GLI2: variants seen among roughly 807,000 people sequenced by gnomAD.
GLI2 encodes the protein transcription activator GLI2.
In GLI2, 22 loss-of-function variants were observed where a neutral mutation model predicts 78.9. The ratio of observed to expected loss-of-function variants is 0.28; its 90% CI spans 0.20 to 0.40. The LOEUF (loss-of-function observed/expected upper bound fraction) is 0.40. GLI2 is among the 10% of genes least tolerant of loss of function. The pLI is 1.00. For synonymous variants in GLI2, 974 were observed against 963.7 expected (o/e 1.01, Z -0.20); for missense variants, 2,097 against 2,213.2 (o/e 0.95, Z 1.05).
intron 1 of GLI2, among the ~76,000 whole-genome samples, chr2:120,772,686 A>G (rs4848627): frequency 0.34 from 51,394 of 152,204 alleles, 10,470 homozygotes; most frequent in African/African-American, 0.58. Context: ...TTTTAAGAGT[A>G]TATTCCTAAT....
At chr2:120,905,814 G>T (rs538482611) in intron 2 of GLI2, among the ~76,000 whole-genome samples, 1 of 152,254 alleles carries the variant, frequency 6.6e-6, no homozygotes, top group East Asian at 1.9e-4. Flanking sequence ...TGTGAAGCAG[G>T]TGTTGGCTGT....
chr2:120,894,611 G>C (rs532113655), intron 2 of GLI2, among the ~76,000 whole-genome samples: 85 of 150,980 alleles, frequency 5.6e-4, no homozygotes, highest in Admixed American at 4.0e-3. Flanking sequence ...TTAACCCTTG[G>C]GGGGGGGTAC....
rs889888476 is a variant in GLI2, at chr2:120,952,360, A to G, written c.457+915A>G. 3.9e-5 allele frequency among the ~76,000 whole-genome samples: 6 copies of G among 152,362 alleles called. No homozygotes were observed. In the East Asian group the frequency reaches 9.6e-4, roughly 24 times the overall value. ...GCCCCATGGGCAGAGGCTCTAGGAAATGGGGTCCCAGCGAGTCTCTTATCA... is the reference window on the plus strand; with the variant it reads ...GCCCCATGGGCAGAGGCTCTAGGAAGTGGGGTCCCAGCGAGTCTCTTATCA... On this transcript the variant is annotated intron_variant, in intron 4 of 13. Transcript: ENST00000361492.
At chr2:120,949,009 G>A (rs1051554240) in intron 3 of GLI2, among the ~76,000 whole-genome samples, 3 of 152,114 alleles carry the variant, frequency 2.0e-5, no homozygotes, top group African/African-American at 7.2e-5. Flanking sequence ...TTCAGCCCAG[G>A]TCTGCCCCCA....
chr2:120,835,531 G>T (rs868266666), intron 2 of GLI2, among the ~76,000 whole-genome samples: 1 of 151,766 alleles, frequency 6.6e-6, no homozygotes, highest in Non-Finnish European at 1.5e-5. Flanking sequence ...GATTATAGGC[G>T]CCCGCCACCA....
chr2:120,952,982 G>T (rs1421029899), intron 4 of GLI2, among the ~76,000 whole-genome samples: 3 of 152,238 alleles, frequency 2.0e-5, no homozygotes, highest in Non-Finnish European at 4.4e-5. Flanking sequence ...CCAGGCTGGC[G>T]TTCCTTCCTA....
At chr2:120,760,512 T>A (rs1683181495) in intron 1 of GLI2, among the ~76,000 whole-genome samples, 1 of 152,186 alleles carries the variant, frequency 6.6e-6, no homozygotes, top group Non-Finnish European at 1.5e-5. Context: ...TCTTCCCCTT[T>A]GGCACTTGTA....
rs35224973 is a variant in GLI2 at position 120,926,072 on chromosome 2, CAAAAAAAAA to C, written c.149-1270_149-1262del. Among the ~76,000 whole-genome samples the C allele has an allele frequency of 1.7e-3, 110 of 63,226 alleles. 1 individual carries two copies. Among genetic ancestry groups the C allele is most frequent in the Admixed American group, 4.7e-3 (16 of 3,416 alleles). 41.5% of individuals were successfully genotyped at this position (63,226 alleles called of 152,430 possible). A position where few individuals can be genotyped will look rare whatever the true frequency, so the allele number is the denominator to read the frequency against. The stretch of plus-strand genomic sequence containing the variant: ...TGGGTGACAGAGCGAGACTCCGTCT[CAAAAAAAAA>C]AAAAAAAAAAAAAAAAAAGATTTAA... On this transcript the variant is annotated intron_variant, in intron 2 of 13. Transcript: ENST00000361492.
intron 9 of GLI2, 140 bp downstream of exon 9, chr2:120,975,249 A>G: frequency 1.4e-6 from 1 of 719,618 alleles, no homozygotes; most frequent in East Asian, 2.7e-5. Context: ...ATCCCCTGCA[A>G]GTGGGAGGCA....
chr2:120,982,645 G>A (rs1682767233), intron 10 of GLI2, 71 bp from the exon 11 acceptor site: 3 of 1,349,056 alleles, frequency 2.2e-6, no homozygotes, highest in Non-Finnish European at 3.1e-6. Flanking sequence ...AGGGGGTGGG[G>A]AGGAAGCAGC....
intron 2 of GLI2, among the ~76,000 whole-genome samples, chr2:120,866,135 A>G (rs567780896): frequency 7.0e-4 from 107 of 152,334 alleles, no homozygotes; most frequent in African/African-American, 2.5e-3. Flanking sequence ...CATAAGAAAC[A>G]TGTCTTACTC....
chr2:120,906,355 C>T (rs532324377), intron 2 of GLI2, among the ~76,000 whole-genome samples: 40 of 152,274 alleles, frequency 2.6e-4, no homozygotes, highest in South Asian at 2.1e-3. Flanking sequence ...TGGGGTTCAC[C>T]CTCTCCTGCC....
At chr2:120,971,854 A>C in intron 7 of GLI2, 87 bp from the exon 8 acceptor site, 2 of 1,120,934 alleles carry the variant, frequency 1.8e-6, no homozygotes, top group Non-Finnish European at 2.7e-6. Flanking sequence ...GTCTGTGCGG[A>C]GAGATCCTAG....
At chr2:120,793,847 TG>T (rs1353851750) in intron 1 of GLI2, among the ~76,000 whole-genome samples, 11 of 152,224 alleles carry the variant, frequency 7.2e-5, no homozygotes, top group African/African-American at 2.7e-4. Context: ...GCATTTTGGC[TG>T]GAGGATCTGA....
At chr2:120,940,184 A>G (rs2104913064) in intron 3 of GLI2, among the ~76,000 whole-genome samples, 1 of 152,306 alleles carries the variant, frequency 6.6e-6, no homozygotes, top group East Asian at 1.9e-4. Flanking sequence ...GGTTAGCAAC[A>G]TGTGTTGTGA....
chr2:120,758,572 C>T (rs572957496), intron 1 of GLI2, among the ~76,000 whole-genome samples: 5 of 152,346 alleles, frequency 3.3e-5, no homozygotes, highest in Admixed American at 1.3e-4. Context: ...GGGGAAGCCA[C>T]GGCCAGGCCC....
At chr2:120,877,635 CT>C (rs1438327533) in intron 2 of GLI2, among the ~76,000 whole-genome samples, 2 of 152,168 alleles carry the variant, frequency 1.3e-5, no homozygotes, top group Non-Finnish European at 2.9e-5. Context: ...AGTGTGTGCA[CT>C]TTTCTATCTG....
intron 1 of GLI2, among the ~76,000 whole-genome samples, chr2:120,739,450 G>T (rs1682462425): frequency 6.6e-6 from 1 of 152,308 alleles, no homozygotes; most frequent in East Asian, 1.9e-4. Flanking sequence ...GTACTCTTTG[G>T]GTAGGGCAGC....
chr2:120,753,409 T>C (rs1675270879), intron 1 of GLI2, among the ~76,000 whole-genome samples: 1 of 152,226 alleles, frequency 6.6e-6, no homozygotes, highest in Non-Finnish European at 1.5e-5. Context: ...CTACGGATTT[T>C]AATCTTTGCA....
Sources: gnomAD v4.1 joint callset for allele counts (sites outside exome capture counted in the v4.1 genomes callset) on GRCh38, gnomAD v4.1.1 for gene constraint, MANE v1.5 for transcripts, NCBI Gene and HGNC (gene_info 2026-07-23, HGNC 2026-07-21) for gene names.